Variants in LARGE1 observed in about 807,000 individuals in gnomAD.
The protein encoded by LARGE1 is xylosyl- and glucuronyltransferase LARGE1.
Under a neutral mutation model 87.6 loss-of-function variants are expected in LARGE1, and 43 were observed. The ratio of observed to expected loss-of-function variants is 0.49; its 90% CI spans 0.38 to 0.63. LARGE1 has a LOEUF of 0.63. Ranked by LOEUF, LARGE1 falls within the 30% of genes least tolerant of loss-of-function variation. The pLI is 0.00. For missense variants in LARGE1, 802 were observed against 1,000.2 expected (o/e 0.80, Z 2.67); for synonymous variants, 434 against 394.6 (o/e 1.10, Z -1.18).
chr22:33,157,258 T>G (rs769366789), downstream of LARGE1, among the ~76,000 whole-genome samples: 1 of 152,226 alleles, frequency 6.6e-6, no homozygotes, highest in Non-Finnish European at 1.5e-5. Flanking sequence ...TATAAAAAGC[T>G]GAGAGATTAA....
chr22:33,344,917 T>A (rs1452190000), intron 9 of LARGE1, among the ~76,000 whole-genome samples: 1 of 152,026 alleles, frequency 6.6e-6, no homozygotes, highest in Admixed American at 6.6e-5. Flanking sequence ...AAGCTGGTGG[T>A]GTAGGCATTT....
chr22:33,657,664 G>C (rs1603017785), intron 2 of LARGE1, among the ~76,000 whole-genome samples: 1 of 151,988 alleles, frequency 6.6e-6, no homozygotes, highest in African/African-American at 2.4e-5. Flanking sequence ...GGGTCTCCTG[G>C]GCTAGTCCCC....
intron 1 of LARGE1, among the ~76,000 whole-genome samples, chr22:33,829,006 C>CTTT (rs776583343): frequency 0.023 from 2,165 of 94,632 alleles, 95 homozygotes; most frequent in African/African-American, 0.066. Flanking sequence ...GTCTCTTTTT[C>CTTT]TTTTTTTTTT....
intron 9 of LARGE1, among the ~76,000 whole-genome samples, chr22:33,360,702 G>A (rs189267829): frequency 6.7e-5 from 10 of 149,508 alleles, no homozygotes; most frequent in African/African-American, 2.2e-4. Context: ...GATTTAAACC[G>A]TATCAAGGTC....
chr22:33,585,602 T>C (rs76520391), intron 5 of LARGE1, among the ~76,000 whole-genome samples: 2 of 152,296 alleles, frequency 1.3e-5, no homozygotes, highest in South Asian at 2.1e-4. Flanking sequence ...CCCTCCACCA[T>C]GAGGAGCCCA....
chr22:33,095,896 T>C, the LARGE1 span, among the ~76,000 whole-genome samples: 1 of 152,036 alleles, frequency 6.6e-6, no homozygotes. Context: ...GATACCAGAG[T>C]GCTCATGACT....
chr22:33,739,322 C>A (rs2083787172), intron 2 of LARGE1, among the ~76,000 whole-genome samples: 1 of 152,132 alleles, frequency 6.6e-6, no homozygotes, highest in Non-Finnish European at 1.5e-5. Context: ...CTCCCTGTCT[C>A]CTGTTCCTGC....
At chr22:33,608,575 C>T (rs2267241) in intron 4 of LARGE1, among the ~76,000 whole-genome samples, 38,699 of 152,112 alleles carry the variant, frequency 0.25, 5,210 homozygotes, top group South Asian at 0.31. Flanking sequence ...ACCATCTTTT[C>T]ATCCCCATCC....
Position 33,546,584 on chromosome 22 carries a change from TA to T in LARGE1, c.787+18263del, listed in dbSNP as rs1366370820. Reference sequence around the variant, plus strand: ...TGAACCATCTTATCCATTCTTTTTTTAAATTTTTTATTTTTTTTGAGACACA... The same window carrying T: ...TGAACCATCTTATCCATTCTTTTTTTAATTTTTTATTTTTTTTGAGACACA... On this transcript the variant is annotated intron_variant, in intron 6 of 14. Coordinates refer to ENST00000397394, the MANE Select transcript of LARGE1 (RefSeq NM_133642.5). 4.6e-5 allele frequency among the ~76,000 whole-genome samples: 7 copies of T among 152,260 alleles called. No homozygotes were observed. In the East Asian group the frequency reaches 1.3e-3, roughly 29 times the overall value.
chr22:33,605,936 A>G (rs1435435527), intron 4 of LARGE1, among the ~76,000 whole-genome samples: 2 of 152,272 alleles, frequency 1.3e-5, no homozygotes, highest in Middle Eastern at 3.4e-3. Context: ...GCTGTGCCCT[A>G]AAGGGAAATG....
At chr22:33,333,862 T>C (rs1286349367) in intron 10 of LARGE1, among the ~76,000 whole-genome samples, 1 of 152,170 alleles carries the variant, frequency 6.6e-6, no homozygotes, top group African/African-American at 2.4e-5. Context: ...CTCATGCCTG[T>C]AATCCCAGCA....
chr22:33,124,603 T>C, the LARGE1 span, among the ~76,000 whole-genome samples: 23 of 152,106 alleles, frequency 1.5e-4, no homozygotes, highest in African/African-American at 4.1e-4. Context: ...TCACCAACCA[T>C]TATCTCTCAC....
chr22:33,581,277 G>A (rs533682624), intron 5 of LARGE1, among the ~76,000 whole-genome samples: 1 of 152,210 alleles, frequency 6.6e-6, no homozygotes, highest in African/African-American at 2.4e-5. Flanking sequence ...ACCTAATGCT[G>A]GAACTTTATC....
chr22:33,821,284 AG>A (rs1568958830), intron 1 of LARGE1, among the ~76,000 whole-genome samples: 1 of 152,164 alleles, frequency 6.6e-6, no homozygotes, highest in Non-Finnish European at 1.5e-5. Flanking sequence ...TTACGAAGTT[AG>A]AAAAAAATGG....
At chr22:33,836,067 T>A (rs1429427008) in intron 1 of LARGE1, among the ~76,000 whole-genome samples, 1 of 152,152 alleles carries the variant, frequency 6.6e-6, no homozygotes, top group East Asian at 1.9e-4. Flanking sequence ...AGAGGCCACA[T>A]TTCAAGAGAC....
At chr22:33,238,381 G>T (rs1007844420) in intron 11 of LARGE1, among the ~76,000 whole-genome samples, 2 of 152,102 alleles carry the variant, frequency 1.3e-5, no homozygotes, top group African/African-American at 4.8e-5. Context: ...TAATTGCAAA[G>T]AAAAAGTAAT....
At chr22:33,897,571 C>T (rs1035306355) in intron 1 of LARGE1, among the ~76,000 whole-genome samples, 3 of 152,126 alleles carry the variant, frequency 2.0e-5, no homozygotes, top group Non-Finnish European at 4.4e-5. Flanking sequence ...CCCAGCTCAG[C>T]CAGTGAAGGT....
chr22:33,238,023 G>A lies in LARGE1; in HGVS notation c.1730+66206C>T, dbSNP rs1013183271. ...TATATCTTGAGACCAGGATGGGGAC[G>A]AGGAAAGGGGACAGAAGAAAAAGGT... On this transcript the variant is annotated intron_variant, in intron 11 of 11. Coordinates refer to the LARGE1 transcript ENST00000608642. Among the ~76,000 whole-genome samples, 4 of 152,286 alleles carry A rather than the reference G, an allele frequency of 2.6e-5. No homozygotes were observed. In the South Asian group the frequency reaches 8.3e-4, roughly 32 times the overall value.
At chr22:33,206,469 A>AT (rs879553163) in intron 11 of LARGE1, among the ~76,000 whole-genome samples, 3 of 151,904 alleles carry the variant, frequency 2.0e-5, no homozygotes, top group Admixed American at 2.0e-4. Context: ...ACAGATTCAG[A>AT]TTTTTTAAAA....
Sources: allele counts gnomAD v4.1 joint callset (sites outside exome capture counted in the v4.1 genomes callset), GRCh38; gene constraint gnomAD v4.1.1; transcripts MANE v1.5; gene names NCBI Gene and HGNC (gene_info 2026-07-23, HGNC 2026-07-21).